Variants in DLC1 observed in about 807,000 individuals in gnomAD.
DLC1 encodes the protein DLC1 Rho GTPase activating protein, also known as rho GTPase-activating protein 7.
A neutral mutation model predicts 140.3 loss-of-function variants in DLC1; 54 were observed. The observed-to-expected ratio is 0.38, with a 90% CI of 0.31 to 0.48. The LOEUF (loss-of-function observed/expected upper bound fraction) is 0.48, where lower values mean the gene tolerates loss of function less well. DLC1 is among the 20% of genes least tolerant of loss of function. DLC1 has a pLI of 0.96. For synonymous variants in DLC1, 986 were observed against 728.1 expected, an observed-to-expected ratio of 1.35 and a Z score of -5.70; for missense variants, 2,536 against 1,907.0, an observed-to-expected ratio of 1.33 and a Z score of -6.14.
At chr8:13,522,110 C>A (rs952030250) in intron 1 of DLC1, among the ~76,000 whole-genome samples, 7 of 152,136 alleles carry the variant, frequency 4.6e-5, no homozygotes, top group African/African-American at 1.4e-4. Context: ...ACGACTTCCA[C>A]CCGCTCCAAA....
At chr8:13,558,217 T>C (rs1804120470) in intron 1 of DLC1, 2 of 152,362 alleles carry the variant, frequency 1.3e-5, no homozygotes, top group Admixed American at 1.3e-4. Flanking sequence ...GGTTCTTCTA[T>C]TCTGTTTTAC....
At chr8:13,473,743 T>C (rs1800314847) in intron 2 of DLC1, among the ~76,000 whole-genome samples, 1 of 152,162 alleles carries the variant, frequency 6.6e-6, no homozygotes, top group Admixed American at 6.5e-5. Context: ...TTGTTATGTT[T>C]TAGCAAAGAG....
intron 4 of DLC1, among the ~76,000 whole-genome samples, chr8:13,363,532 G>C (rs1212935874): frequency 1.3e-5 from 2 of 152,018 alleles, no homozygotes; most frequent in African/African-American, 2.4e-5. Context: ...AAAAGTTATT[G>C]TTCTGTCTAT....
At chr8:13,185,185 G>C (rs1224272081) in intron 5 of DLC1, among the ~76,000 whole-genome samples, 1 of 87,264 alleles carries the variant, frequency 1.1e-5, no homozygotes, top group African/African-American at 4.5e-5. Flanking sequence ...CCTTTATTTT[G>C]AGCCTATATG....
chr8:13,086,882 G>A (rs1300498894), intron 16 of DLC1, among the ~76,000 whole-genome samples: 4 of 151,956 alleles, frequency 2.6e-5, no homozygotes, highest in South Asian at 2.1e-4. Context: ...AATATTAGCC[G>A]GGCATGGTGG....
intron 5 of DLC1, among the ~76,000 whole-genome samples, chr8:13,295,783 C>G (rs1387505742): frequency 6.6e-6 from 1 of 151,958 alleles, no homozygotes; most frequent in Non-Finnish European, 1.5e-5. Context: ...GTAAACATAC[C>G]TCTCCAAAGA....
intron 5 of DLC1, among the ~76,000 whole-genome samples, chr8:13,152,356 CTG>C (rs1330239173): frequency 1.3e-5 from 2 of 152,120 alleles, no homozygotes; most frequent in East Asian, 1.9e-4. Context: ...GGATTAAACT[CTG>C]TAATTCTGAG....
intron 1 of DLC1, among the ~76,000 whole-genome samples, chr8:13,535,110 G>T (rs761269005): frequency 2.6e-5 from 4 of 152,070 alleles, no homozygotes; most frequent in Non-Finnish European, 5.9e-5. Flanking sequence ...CTTCCCCTTT[G>T]CAGTTGATAT....
At chr8:13,467,286 T>C (rs145761979) in intron 2 of DLC1, among the ~76,000 whole-genome samples, 3,589 of 152,322 alleles carry the variant, frequency 0.024, 63 homozygotes, top group Middle Eastern at 0.041. Context: ...CCCGTTGGAA[T>C]GTAGTTCCAC....
At chr8:13,520,705 T>C (rs999047382) in intron 1 of DLC1, among the ~76,000 whole-genome samples, 10 of 151,958 alleles carry the variant, frequency 6.6e-5, no homozygotes, top group Non-Finnish European at 1.5e-5. Context: ...AGCGAATGAG[T>C]CTGCCTGCCT....
intron 1 of DLC1, among the ~76,000 whole-genome samples, chr8:13,573,490 A>G (rs1804736044): frequency 6.6e-6 from 1 of 152,140 alleles, no homozygotes; most frequent in African/African-American, 2.4e-5. Flanking sequence ...CCAGAGCTAT[A>G]TTGAATAGAA....
intron 5 of DLC1, among the ~76,000 whole-genome samples, chr8:13,144,532 G>C (rs533398103): frequency 3.3e-4 from 50 of 152,226 alleles, no homozygotes; most frequent in African/African-American, 1.2e-3. Flanking sequence ...TTGGGAGGCC[G>C]AGGCAGGCAG....
chr8:13,092,645 A>G lies in DLC1; in HGVS notation c.3707T>C (p.Leu1236Pro). The stretch of plus-strand genomic sequence containing the variant: ...GGAATTCTCTCTCTTCAGGGTGTTG[A>G]GATGGAAGAGGGAAGGCGCTAAGCA... ...AVCLAPSLFH[L>P]NTLKRENSSP... Residue 1236 changes from leucine (L) to proline (P), a missense_variant, in exon 13 of 18, where the codon CTC becomes CCC. Leu to Pro is a moderately conservative substitution (Grantham distance 98). Transcript: ENST00000276297. 1 of 1,614,146 alleles carries G rather than the reference A, an allele frequency of 6.2e-7. No individual in the cohort carries two copies. The highest frequency in any genetic ancestry group is 8.5e-7 in the Non-Finnish European group (1 of 1,180,012).
chr8:13,441,053 T>C lies in DLC1; in HGVS notation c.1024-39434A>G, dbSNP rs1798485510. ...AGCCAAACAGTTCAAATTTGTAATA[T>C]AACCTGGGATAATTCTACCAAACTA... is the stretch of plus-strand genomic sequence containing the variant. On this transcript the variant is annotated intron_variant, in intron 2 of 17. Coordinates refer to ENST00000276297, the MANE Select transcript of DLC1 (RefSeq NM_182643.3). Among the ~76,000 whole-genome samples, 5 of 152,186 alleles carry C rather than the reference T, an allele frequency of 3.3e-5. No homozygotes were observed. In the South Asian group the frequency reaches 1.0e-3, roughly 31 times the overall value.
chr8:13,395,185 A>T (rs998301810), intron 3 of DLC1, among the ~76,000 whole-genome samples: 1 of 151,044 alleles, frequency 6.6e-6, no homozygotes, highest in Non-Finnish European at 1.5e-5. Context: ...CAATGGCGCA[A>T]TCTTGGCTCA....
intron 2 of DLC1, among the ~76,000 whole-genome samples, chr8:13,427,356 C>G (rs796943296): frequency 3.3e-5 from 5 of 152,302 alleles, no homozygotes; most frequent in African/African-American, 1.2e-4. Context: ...ACAGCAGCTC[C>G]AGTCCTGAGG....
chr8:13,546,836 C>T (rs7814354), intron 1 of DLC1, among the ~76,000 whole-genome samples: 42,717 of 151,972 alleles, frequency 0.28, 6,246 homozygotes, highest in Admixed American at 0.3. Flanking sequence ...TCTGTCATAA[C>T]TTGGCAAGAG....
intron 1 of DLC1, among the ~76,000 whole-genome samples, chr8:13,550,044 T>G (rs1246440987): frequency 6.6e-6 from 1 of 152,164 alleles, no homozygotes; most frequent in Non-Finnish European, 1.5e-5. Context: ...GACTCTAGTC[T>G]GAGAAACAGG....
intron 4 of DLC1, among the ~76,000 whole-genome samples, chr8:13,347,748 A>G (rs1729124): frequency 0.97 from 147,316 of 152,186 alleles, 71,499 homozygotes; most frequent in Middle Eastern, 1. Flanking sequence ...ACTCATTTCA[A>G]CATATGAAGT....
Sources: allele counts gnomAD v4.1 joint callset (sites outside exome capture counted in the v4.1 genomes callset), GRCh38; gene constraint gnomAD v4.1.1; transcripts MANE v1.5; gene names NCBI Gene and HGNC (gene_info 2026-07-23, HGNC 2026-07-21).